CFAP47: variants seen among roughly 807,000 people sequenced by gnomAD.
The protein encoded by CFAP47 is cilia and flagella associated protein 47, also known as cilia- and flagella-associated protein 47.
CFAP47 carries 29 observed loss-of-function variants against 148.1 expected under a neutral mutation model. The ratio of observed to expected loss-of-function variants is 0.20; its 90% CI spans 0.15 to 0.27. The LOEUF (loss-of-function observed/expected upper bound fraction) is 0.27, where lower values mean the gene tolerates loss of function less well. CFAP47 is among the 10% of genes least tolerant of loss of function. The pLI is 1.00. For missense variants in CFAP47, 1,872 were observed against 1,697.5 expected, an observed-to-expected ratio of 1.10 and a Z score of -1.81; for synonymous variants, 664 against 577.3, an observed-to-expected ratio of 1.15 and a Z score of -2.15.
At position 35,953,630 on chromosome X, in the gene CFAP47, A is replaced by G; in HGVS notation, c.1085A>G (p.Tyr362Cys). ...GGTAAAAAGGATATTGGACCTTCAT[A>G]CAGACAGGACTATGCTCTCTTTTTG... ...AVGKKDIGPS[Y>C]RQDYALFLRF... Residue 362 changes from tyrosine to cysteine, a missense_variant, in exon 7 of 64, where the codon TAC (tyrosine) becomes TGC (cysteine). Transcript: ENST00000378653. The G allele has an allele frequency of 2.5e-6, 3 of 1,196,593 alleles. No individual in the cohort carries two copies. Among genetic ancestry groups the G allele is most frequent in the East Asian group, 3.0e-5 (1 of 33,525 alleles).
intron 49 of CFAP47, among the ~76,000 whole-genome samples, chrX:36,262,107 GTTGTATGTAT>G (rs1940835763): frequency 8.9e-6 from 1 of 112,363 alleles, no homozygotes; most frequent in African/African-American, 3.2e-5. Flanking sequence ...GTACATAGTA[GTTGTATGTAT>G]TTGTGGGGTA....
chrX:36,169,851 A>G (rs1602023901), intron 39 of CFAP47, among the ~76,000 whole-genome samples: 1 of 111,856 alleles, frequency 8.9e-6, no homozygotes, highest in African/African-American at 3.3e-5. Context: ...TTCAGCAAAC[A>G]TCCTGGTGTG....
At chrX:35,935,562 C>A (rs752531287) in intron 2 of CFAP47, among the ~76,000 whole-genome samples, 1 of 93,203 alleles carries the variant, frequency 1.1e-5, no homozygotes, top group Non-Finnish European at 2.0e-5. Context: ...TTGGTTTTTA[C>A]GAAGTTGCTT....
chrX:36,017,377 G>A (rs1569233554), intron 22 of CFAP47, among the ~76,000 whole-genome samples: 1 of 111,860 alleles, frequency 8.9e-6, no homozygotes, highest in East Asian at 2.8e-4. Flanking sequence ...CTGCACAGAA[G>A]CTTTTTAAAT....
intron 55 of CFAP47, among the ~76,000 whole-genome samples, chrX:36,310,118 T>G (rs1364861377): frequency 9.1e-6 from 1 of 110,330 alleles, no homozygotes; most frequent in Non-Finnish European, 1.9e-5. Flanking sequence ...CATCTGCACA[T>G]TACCAAAGTG....
rs905697432 is a variant in CFAP47, at chrX:36,179,938, T to C, written c.6104+516T>C. On this transcript the variant is annotated intron_variant, in intron 40 of 63. Transcript: ENST00000378653. ...ACTCTGCACTGCCCACTATTGTCTC[T>C]ACCTCTTGTCATCTCTATACTTTTA... Among the ~76,000 whole-genome samples, 3 of 111,298 alleles carry C rather than the reference T, an allele frequency of 2.7e-5. No individual in the cohort carries two copies. The East Asian group carries it at 8.5e-4, about 31-fold the overall frequency.
chrX:36,100,471 A>G (rs1483930614), intron 32 of CFAP47, among the ~76,000 whole-genome samples: 2 of 112,362 alleles, frequency 1.8e-5, no homozygotes, highest in African/African-American at 6.5e-5. Flanking sequence ...GTAGATTAAC[A>G]TAGCGTAAAT....
rs1389468294 is a variant in CFAP47, at chrX:36,232,641, T to C, written c.7015-3293T>C. 7.8e-3 allele frequency among the ~76,000 whole-genome samples: 869 copies of C among 111,744 alleles called. 6 individuals are homozygous for C. The highest frequency in any genetic ancestry group is 0.022 in the African/African-American group (662 of 30,694). On this transcript the variant is annotated intron_variant, in intron 46 of 63. Transcript: ENST00000378653. ...CAGTTCTGCTCTGATTTTAGTTATTTCTTGCCTTCTGCTAGCTTTTGAATG... is the reference window on the plus strand; with the variant it reads ...CAGTTCTGCTCTGATTTTAGTTATTCCTTGCCTTCTGCTAGCTTTTGAATG...
intron 47 of CFAP47, among the ~76,000 whole-genome samples, chrX:36,236,444 A>G (rs1342941760): frequency 2.7e-5 from 3 of 112,259 alleles, no homozygotes; most frequent in Non-Finnish European, 5.6e-5. Context: ...ATTGCTGTGT[A>G]TGAAAATACC....
chrX:36,303,289 C>T (rs782378186), intron 53 of CFAP47, among the ~76,000 whole-genome samples: 17 of 111,574 alleles, frequency 1.5e-4, no homozygotes, highest in South Asian at 7.5e-4. Context: ...TGGGCTAGAG[C>T]GATCCTCCTG....
intron 57 of CFAP47, among the ~76,000 whole-genome samples, chrX:36,345,393 A>AACC (rs1941688903): frequency 9.0e-6 from 1 of 110,851 alleles, no homozygotes; most frequent in Non-Finnish European, 1.9e-5. Context: ...TTAGATTCTC[A>AACC]TAAGCAGCCT....
intron 45 of CFAP47, among the ~76,000 whole-genome samples, chrX:36,207,540 A>C (rs1940052095): frequency 8.9e-6 from 1 of 111,744 alleles, no homozygotes; most frequent in African/African-American, 3.3e-5. Flanking sequence ...ACATTTAGTG[A>C]TTTTAGGGAC....
chrX:36,064,565 A>C (rs942838525), intron 26 of CFAP47, among the ~76,000 whole-genome samples: 1 of 111,944 alleles, frequency 8.9e-6, no homozygotes, highest in East Asian at 2.8e-4. Flanking sequence ...TATTTCAGCT[A>C]TGAACATTTT....
intron 48 of CFAP47, among the ~76,000 whole-genome samples, chrX:36,246,300 A>T (rs782107118): frequency 1.8e-5 from 2 of 112,013 alleles, no homozygotes; most frequent in South Asian, 7.3e-4. Context: ...TCCAACAAAC[A>T]TATGAAAAAA....
intron 62 of CFAP47, among the ~76,000 whole-genome samples, chrX:36,372,721 T>G (rs1941984063): frequency 1.8e-5 from 2 of 112,133 alleles, no homozygotes; most frequent in Admixed American, 1.9e-4. Context: ...AACCATTGTA[T>G]GTACAGTTCA....
At chrX:36,210,689 CA>C (rs1292176412) in intron 45 of CFAP47, among the ~76,000 whole-genome samples, 1 of 111,779 alleles carries the variant, frequency 8.9e-6, no homozygotes, top group Non-Finnish European at 1.9e-5. Flanking sequence ...TCCTTTGAAG[CA>C]CAGGAGTTTT....
rs1474544384 is a variant in CFAP47, at chrX:36,301,168, C to T, written c.7959C>T (p.Cys2653=). Residue 2653 remains cysteine (C), a synonymous_variant, in exon 53 of 64, where the codon TGC becomes TGT. Coordinates refer to ENST00000378653, the MANE Select transcript of CFAP47 (RefSeq NM_001304548.2). ...CAACCACAATGCCAGAAATACAGTG[C>T]GACCTTGGCAAGTAAGTTCTACTTA... ...PKPTTMPEIQ[C]DLGKHVTQII... 5.4e-6 allele frequency: 6 copies of T among 1,114,336 alleles called. No homozygotes were observed. Among genetic ancestry groups the T allele is most frequent in the South Asian group, 4.1e-5 (2 of 49,382 alleles). The allele number at this position is 1,114,336 out of a possible 1,213,427, so 91.8% of individuals were successfully genotyped here. A position where few individuals can be genotyped will look rare whatever the true frequency, so the allele number is the denominator to read the frequency against.
intron 40 of CFAP47, among the ~76,000 whole-genome samples, chrX:36,186,567 A>G (rs918867932): frequency 6.3e-5 from 7 of 111,961 alleles, no homozygotes; most frequent in African/African-American, 2.3e-4. Flanking sequence ...TGGTTGAGAT[A>G]CAGCCTTGAA....
At chrX:36,235,515 G>A (rs28751584) in intron 46 of CFAP47, among the ~76,000 whole-genome samples, 23,865 of 111,604 alleles carry the variant, frequency 0.21, 4,465 homozygotes, top group African/African-American at 0.62. Context: ...TCCAGGTGCC[G>A]TCTGTCATCC....
Sources: allele counts gnomAD v4.1 joint callset (sites outside exome capture counted in the v4.1 genomes callset), GRCh38; gene constraint gnomAD v4.1.1; transcripts MANE v1.5; gene names NCBI Gene and HGNC (gene_info 2026-07-23, HGNC 2026-07-21).